The following PALS1 variants were observed in gnomAD, a reference collection of about 807,000 sequenced individuals.
The protein encoded by PALS1 is protein associated with LIN7 1, MAGUK p55 family member.
Under a neutral mutation model 78.9 loss-of-function variants are expected in PALS1, and 31 were observed. The observed-to-expected ratio is 0.39, with a 90% CI of 0.30 to 0.53. The LOEUF (loss-of-function observed/expected upper bound fraction) is 0.53, where lower values mean the gene tolerates loss of function less well. Among genes scored for constraint, PALS1 ranks in the 20% least tolerant of loss-of-function variants. The pLI is 0.67. For missense variants in PALS1, 704 were observed against 826.5 expected (o/e 0.85, Z 1.82); for synonymous variants, 276 against 270.9 (o/e 1.02, Z -0.18).
At chr14:67,329,246 A>G (rs2085404252) in intron 14 of PALS1, among the ~76,000 whole-genome samples, 1 of 152,144 alleles carries the variant, frequency 6.6e-6, no homozygotes, top group African/African-American at 2.4e-5. Context: ...GCAATTGTGA[A>G]TGGGAGTTCA....
chr14:67,327,456 G>T (rs942748336), intron 14 of PALS1, among the ~76,000 whole-genome samples: 1 of 151,390 alleles, frequency 6.6e-6, no homozygotes, highest in Non-Finnish European at 1.5e-5. Flanking sequence ...TCCGGGGTGT[G>T]GGGGGAAGGT....
intron 5 of PALS1, 99 bp from the exon 6 acceptor site, chr14:67,301,873 A>C: frequency 7.8e-7 from 1 of 1,289,560 alleles, no homozygotes; most frequent in East Asian, 2.5e-5. Context: ...AACACTTTTA[A>C]AGATTTAATG....
intron 12 of PALS1, 46 bp from the exon 13 acceptor site, chr14:67,321,011 C>G: frequency 2.0e-6 from 3 of 1,515,290 alleles, no homozygotes; most frequent in Non-Finnish European, 2.8e-6. Flanking sequence ...CCCCTGTCCT[C>G]ACTCTAAGCC....
intron 3 of PALS1, among the ~76,000 whole-genome samples, chr14:67,287,496 A>G (rs1379185963): frequency 6.6e-6 from 1 of 152,218 alleles, no homozygotes; most frequent in Non-Finnish European, 1.5e-5. Flanking sequence ...AAATGGCTAT[A>G]ACTTGTAAAA....
Position 67,333,614 on chromosome 14 carries a change from AC to A in PALS1, c.*659del. ...TTTTTGCTCAGACTTTGTGGATCAG[AC>A]TCTACACTCAACACACTCTAATCTA... is the stretch of plus-strand genomic sequence containing the variant. On this transcript the variant is annotated 3_prime_UTR_variant, in exon 15 of 15. Transcript: ENST00000261681. 6.5e-6 allele frequency: 1 copy of A among 152,686 alleles called. No homozygotes were observed. Among genetic ancestry groups the A allele is most frequent in the Non-Finnish European group, 1.5e-5 (1 of 68,010 alleles). The allele number at this position is 152,686 out of a possible 1,614,324, so 9.5% of individuals were successfully genotyped here.
chr14:67,248,592 T>C (rs1479196132), intron 1 of PALS1, among the ~76,000 whole-genome samples: 1 of 152,204 alleles, frequency 6.6e-6, no homozygotes, highest in African/African-American at 2.4e-5. Flanking sequence ...CGTTGAAATT[T>C]TGAGGCCTCC....
intron 3 of PALS1, among the ~76,000 whole-genome samples, chr14:67,289,290 T>A (rs144192414): frequency 6.6e-6 from 1 of 152,220 alleles, no homozygotes; most frequent in African/African-American, 2.4e-5. Context: ...GTCTTATAAG[T>A]CTTTATAAAA....
chr14:67,265,378 G>A (rs971604788), intron 1 of PALS1, among the ~76,000 whole-genome samples: 3 of 151,862 alleles, frequency 2.0e-5, no homozygotes, highest in Non-Finnish European at 2.9e-5. Context: ...GCAACATACT[G>A]AGACTCTGTC....
chr14:67,253,578 C>T (rs746111827), intron 1 of PALS1, among the ~76,000 whole-genome samples: 1 of 152,166 alleles, frequency 6.6e-6, no homozygotes, highest in African/African-American at 2.4e-5. Context: ...GGCGCAGCAG[C>T]TTATGCCTGT....
At chr14:67,248,762 T>C (rs543703542) in intron 1 of PALS1, among the ~76,000 whole-genome samples, 1 of 152,336 alleles carries the variant, frequency 6.6e-6, no homozygotes, top group South Asian at 2.1e-4. Context: ...AATAAAACTT[T>C]ACTTATAAAA....
chr14:67,284,442 A>AAAAAAAAAAAAAAAAAAAC (rs890593561), intron 3 of PALS1, among the ~76,000 whole-genome samples: 12 of 142,768 alleles, frequency 8.4e-5, no homozygotes, highest in South Asian at 2.2e-4. Context: ...AAAAAAAAAA[A>AAAAAAAAAAAAAAAAAAAC]AACAGCTGGG....
intron 1 of PALS1, among the ~76,000 whole-genome samples, chr14:67,263,578 A>C (rs1431106931): frequency 2.0e-5 from 3 of 152,212 alleles, no homozygotes; most frequent in Non-Finnish European, 2.9e-5. Context: ...AGACTAAAGA[A>C]AAATAATGGC....
At chr14:67,302,716 T>G in intron 7 of PALS1, 145 bp downstream of exon 7, 2 of 582,204 alleles carry the variant, frequency 3.4e-6, no homozygotes, top group Non-Finnish European at 5.2e-6. Context: ...TCCACAGTAT[T>G]TGTTAGCAGT....
chr14:67,263,549 CTT>C (rs2084270152), intron 1 of PALS1, among the ~76,000 whole-genome samples: 1 of 152,314 alleles, frequency 6.6e-6, no homozygotes, highest in South Asian at 2.1e-4. Flanking sequence ...TTTTCCCTCT[CTT>C]CTCTTAGTAT....
At position 67,269,756 on chromosome 14, in the gene PALS1, T is replaced by C. The variant is rs2084382272; in HGVS notation, c.-181T>C. On this transcript the variant is annotated 5_prime_UTR_variant, in exon 2 of 15. Transcript: ENST00000261681. The stretch of plus-strand genomic sequence containing the variant: ...CGGAGAAGAGAAACTAAAAGGACAG[T>C]AGAAAAGGCTTTTCCAGTTTGCATA... The C allele has an allele frequency of 6.6e-6, 1 of 152,650 alleles. No individual in the cohort carries two copies. The highest frequency in any genetic ancestry group is 2.4e-5 in the African/African-American group (1 of 41,462). The allele number at this position is 152,650 out of a possible 1,614,324, so 9.5% of individuals were successfully genotyped here.
At chr14:67,288,153 C>T (rs1256561799) in intron 3 of PALS1, among the ~76,000 whole-genome samples, 1 of 152,140 alleles carries the variant, frequency 6.6e-6, no homozygotes, top group Non-Finnish European at 1.5e-5. Context: ...GATCTCCGCT[C>T]ACTGCAACTT....
chr14:67,282,302 A>G (rs2084618192), intron 3 of PALS1, among the ~76,000 whole-genome samples: 1 of 152,132 alleles, frequency 6.6e-6, no homozygotes, highest in African/African-American at 2.4e-5. Flanking sequence ...TAATACCCAT[A>G]TGACAGGAGA....
At chr14:67,293,102 A>G (rs1350637405) in intron 4 of PALS1, among the ~76,000 whole-genome samples, 4 of 152,172 alleles carry the variant, frequency 2.6e-5, no homozygotes, top group Non-Finnish European at 4.4e-5. Context: ...CAGGCATTAT[A>G]TAACGCCTAA....
intron 1 of PALS1, among the ~76,000 whole-genome samples, chr14:67,247,586 C>CA (rs2084005787): frequency 6.8e-6 from 1 of 146,334 alleles, no homozygotes; most frequent in Non-Finnish European, 1.5e-5. Flanking sequence ...ATCTTGTTCA[C>CA]TTTTTTTTTT....
Sources: allele counts gnomAD v4.1 joint callset (sites outside exome capture counted in the v4.1 genomes callset), GRCh38; gene constraint gnomAD v4.1.1; transcripts MANE v1.5; gene names NCBI Gene and HGNC (gene_info 2026-07-23, HGNC 2026-07-21).